The following CNTN6 variants were observed in gnomAD, a reference collection of about 807,000 sequenced individuals.
The protein encoded by CNTN6 is contactin 6, also known as contactin-6.
Under a neutral mutation model 122.8 loss-of-function variants are expected in CNTN6, and 137 were observed. The ratio of observed to expected loss-of-function variants is 1.12; its 90% CI spans 0.97 to 1.29. CNTN6 has a LOEUF of 1.29. Ranked by LOEUF, CNTN6 falls within the 50% of genes most tolerant of loss-of-function variation. The probability of loss-of-function intolerance (pLI) is 0.00; values close to 1 mark genes in which losing one functional copy is unlikely to be tolerated. For synonymous variants in CNTN6, 570 were observed against 426.0 expected (o/e 1.34, Z -4.16); for missense variants, 1,634 against 1,223.4 (o/e 1.34, Z -5.01).
intron 5 of CNTN6, among the ~76,000 whole-genome samples, chr3:1,282,151 C>T (rs1693575976): frequency 6.6e-6 from 1 of 152,106 alleles, no homozygotes. Context: ...GTCACAACCC[C>T]ATGAAACAGA....
At chr3:1,387,704 C>A (rs903233867) in intron 20 of CNTN6, among the ~76,000 whole-genome samples, 2 of 152,144 alleles carry the variant, frequency 1.3e-5, no homozygotes, top group South Asian at 4.1e-4. Flanking sequence ...AGTGGGTGAG[C>A]GCACCGTGCG....
chr3:1,118,406 C>T (rs2091814881), intron 1 of CNTN6, among the ~76,000 whole-genome samples: 1 of 152,130 alleles, frequency 6.6e-6, no homozygotes, highest in African/African-American at 2.4e-5. Context: ...TATTTCTAAA[C>T]AAAGCCTAAA....
At chr3:1,206,527 A>T (rs1018301502) in intron 2 of CNTN6, among the ~76,000 whole-genome samples, 2 of 152,170 alleles carry the variant, frequency 1.3e-5, no homozygotes, top group African/African-American at 4.8e-5. Flanking sequence ...CAACTGCATC[A>T]TGCCCAGAAT....
At chr3:1,292,747 A>C (rs933862139) in intron 5 of CNTN6, among the ~76,000 whole-genome samples, 3 of 152,128 alleles carry the variant, frequency 2.0e-5, no homozygotes, top group African/African-American at 7.2e-5. Flanking sequence ...TCTTTCTTCC[A>C]TTTACACAAA....
intron 3 of CNTN6, among the ~76,000 whole-genome samples, chr3:1,223,604 A>G (rs1367808996): frequency 1.3e-5 from 2 of 152,238 alleles, no homozygotes; most frequent in East Asian, 3.9e-4. Flanking sequence ...AAAATCATGT[A>G]GCAATGAACT....
chr3:1,157,618 A>C (rs2093004586), intron 2 of CNTN6, among the ~76,000 whole-genome samples: 1 of 152,126 alleles, frequency 6.6e-6, no homozygotes, highest in Non-Finnish European at 1.5e-5. Flanking sequence ...TTTTGTACTC[A>C]TTAACCATCC....
At chr3:1,321,289 C>A (rs1197712392) in intron 7 of CNTN6, among the ~76,000 whole-genome samples, 1 of 151,748 alleles carries the variant, frequency 6.6e-6, no homozygotes, top group Non-Finnish European at 1.5e-5. Context: ...ACTATCTCTG[C>A]ACTCTATTTC....
At chr3:1,345,641 A>C (rs1230172337) in intron 11 of CNTN6, among the ~76,000 whole-genome samples, 1 of 152,110 alleles carries the variant, frequency 6.6e-6, no homozygotes, top group Non-Finnish European at 1.5e-5. Context: ...ATTAAAATGC[A>C]ATATTAATAT....
At chr3:1,269,012 A>T (rs1186203084) in intron 4 of CNTN6, among the ~76,000 whole-genome samples, 3 of 152,156 alleles carry the variant, frequency 2.0e-5, no homozygotes, top group African/African-American at 7.2e-5. Flanking sequence ...ATAAAAATAA[A>T]AATTCAAAAC....
intron 2 of CNTN6, among the ~76,000 whole-genome samples, chr3:1,160,683 ATTAAT>A (rs1264768469): frequency 6.6e-6 from 1 of 151,340 alleles, no homozygotes; most frequent in African/African-American, 2.4e-5. Flanking sequence ...AAAAAGAAAA[ATTAAT>A]TTGATATCCC....
In CNTN6 at chr3:1,329,866, A is replaced by G; in HGVS notation, c.1295A>G (p.Lys432Arg). The change falls in exon 11 of 23, where the codon AAA becomes AGA. Residue 432 changes from lysine to arginine, a missense_variant. Transcript: ENST00000446702. ...GGTGGGGATATTGTTATCGGATGCA[A>G]ACCAAATGCTTTTCCCAGGGCAGCT... Reference protein sequence around the residue: ...QVGGDIVIGCKPNAFPRAAIS... With the variant: ...QVGGDIVIGCRPNAFPRAAIS... 6 of 1,611,164 alleles carry G rather than the reference A, an allele frequency of 3.7e-6. No homozygotes were observed. The highest frequency in any genetic ancestry group is 5.1e-6 in the Non-Finnish European group (6 of 1,178,186).
At chr3:1,116,949 C>T (rs73105110) in intron 1 of CNTN6, among the ~76,000 whole-genome samples, 7,730 of 152,142 alleles carry the variant, frequency 0.051, 679 homozygotes, top group African/African-American at 0.17. Flanking sequence ...AAGTGATCCA[C>T]CTCCCTCAGT....
intron 20 of CNTN6, among the ~76,000 whole-genome samples, chr3:1,397,578 A>G (rs1304105777): frequency 1.3e-5 from 2 of 152,186 alleles, no homozygotes; most frequent in Non-Finnish European, 2.9e-5. Context: ...AATGGAATTT[A>G]GATTTACAAG....
intron 2 of CNTN6, among the ~76,000 whole-genome samples, chr3:1,188,865 C>T (rs893706954): frequency 2.0e-5 from 3 of 152,138 alleles, no homozygotes; most frequent in Admixed American, 1.3e-4. Context: ...TGACCCAATT[C>T]CCTGGTGTTT....
chr3:1,134,822 A>G (rs1462829187), intron 1 of CNTN6, among the ~76,000 whole-genome samples: 1 of 152,166 alleles, frequency 6.6e-6, no homozygotes, highest in African/African-American at 2.4e-5. Context: ...CATGAATTCC[A>G]GATATTGGAA....
intron 20 of CNTN6, among the ~76,000 whole-genome samples, chr3:1,396,099 G>T (rs746100378): frequency 5.9e-5 from 9 of 152,030 alleles, no homozygotes; most frequent in Non-Finnish European, 1.2e-4. Flanking sequence ...AAATGTCATT[G>T]TCTCCTCTAT....
At chr3:1,388,166 G>A (rs1163766005) in intron 20 of CNTN6, among the ~76,000 whole-genome samples, 1 of 151,562 alleles carries the variant, frequency 6.6e-6, no homozygotes, top group African/African-American at 2.4e-5. Flanking sequence ...GTCCCTGTCT[G>A]ACAGCTTTGA....
At chr3:1,130,230 G>A (rs1293018266) in intron 1 of CNTN6, among the ~76,000 whole-genome samples, 5 of 152,008 alleles carry the variant, frequency 3.3e-5, no homozygotes, top group Non-Finnish European at 7.4e-5. Context: ...AAACATGGCA[G>A]GGGTTTAATC....
Position 1,396,417 on chromosome 3 carries a change from A to G in CNTN6, c.2705-5016A>G, listed in dbSNP as rs143885981. On this transcript the variant is annotated intron_variant, in intron 20 of 22. Transcript: ENST00000446702. ...TGAAACAGTGTTGGAAAAAGTTGGA[A>G]TGGGACTTCAGAGAGAATTGTGGAT... Among the ~76,000 whole-genome samples, 115 of 152,340 alleles carry G rather than the reference A, an allele frequency of 7.5e-4. No homozygotes were observed. The East Asian group carries it at 0.011, about 15-fold the overall frequency.
Sources: gnomAD v4.1 joint callset for allele counts (sites outside exome capture counted in the v4.1 genomes callset) on GRCh38, gnomAD v4.1.1 for gene constraint, MANE v1.5 for transcripts, NCBI Gene and HGNC (gene_info 2026-07-23, HGNC 2026-07-21) for gene names.